Variants in CCAR1 observed in about 807,000 individuals in gnomAD.
The protein encoded by CCAR1 is cell division cycle and apoptosis regulator 1.
CCAR1 carries 78 observed loss-of-function variants against 163.8 expected under a neutral mutation model. The observed-to-expected ratio is 0.48, with a 90% CI of 0.40 to 0.57. The LOEUF (loss-of-function observed/expected upper bound fraction) is 0.57, where lower values mean the gene tolerates loss of function less well. Among genes scored for constraint, CCAR1 ranks in the 20% least tolerant of loss-of-function variants. The pLI is 0.00. For synonymous variants in CCAR1, 443 were observed against 460.7 expected, an observed-to-expected ratio of 0.96 and a Z score of 0.49; for missense variants, 1,019 against 1,365.2, an observed-to-expected ratio of 0.75 and a Z score of 4.00.
At chr10:68,778,741 G>A (rs1030315917) in intron 19 of CCAR1, among the ~76,000 whole-genome samples, 1 of 152,126 alleles carries the variant, frequency 6.6e-6, no homozygotes, top group African/African-American at 2.4e-5. Flanking sequence ...TAGGATTATA[G>A]TTGTTTTTTG....
intron 17 of CCAR1, among the ~76,000 whole-genome samples, chr10:68,766,715 G>A (rs560291954): frequency 4.0e-5 from 6 of 151,530 alleles, no homozygotes; most frequent in African/African-American, 7.3e-5. Context: ...TAGTAGAGAC[G>A]GGGTTTCTCC....
In CCAR1 at chr10:68,761,218, T is replaced by G. The variant is rs569430800; in HGVS notation, c.2106+26T>G. 719 of 1,388,642 alleles carry G rather than the reference T, an allele frequency of 5.2e-4. 6 individuals are homozygous for G. The South Asian group carries it at 9.8e-3, about 19-fold the overall frequency. 86.0% of individuals were successfully genotyped at this position (1,388,642 alleles called of 1,614,324 possible). On this transcript the variant is annotated intron_variant, in intron 16 of 24. Coordinates refer to ENST00000265872, the MANE Select transcript of CCAR1 (RefSeq NM_018237.4). ...GTATGTACTCAATCTATTATTATAC[T>G]CTATGGTATTAATATTCATGTATAG...
At position 68,771,455 on chromosome 10, in the gene CCAR1, A is replaced by G. The variant is rs776490518; in HGVS notation, c.2538+10A>G. 7 of 1,570,468 alleles carry G rather than the reference A, an allele frequency of 4.5e-6. No individual in the cohort carries two copies. In the African/African-American group the frequency reaches 8.3e-5, roughly 19 times the overall value. On this transcript the variant is annotated intron_variant, in intron 18 of 24. Transcript: ENST00000265872. Reference sequence around the variant, plus strand: ...TAGAGATGAAAGGAAGGTCTGTAATAACAACCTGCTTTAGAAGCTTTCAGT... The same window carrying G: ...TAGAGATGAAAGGAAGGTCTGTAATGACAACCTGCTTTAGAAGCTTTCAGT...
At position 68,736,952 on chromosome 10, in the gene CCAR1, A is replaced by C; in HGVS notation, c.150A>C (p.Ala50=). 1.2e-6 allele frequency: 2 copies of C among 1,614,104 alleles called. No individual in the cohort carries two copies. The highest frequency in any genetic ancestry group is 1.7e-6 in the Non-Finnish European group (2 of 1,179,938). ...ATACACAGCAAACTGCATTGGCAGCAGCAGGCCTTACCACACAAACTCCAG... is the reference window on the plus strand; with the variant it reads ...ATACACAGCAAACTGCATTGGCAGCCGCAGGCCTTACCACACAAACTCCAG... ...TIYTQQTALA[A]AGLTTQTPAN... Residue 50 remains alanine (A), a synonymous_variant, in exon 3 of 25, where the codon GCA becomes GCC. Coordinates refer to ENST00000265872, the MANE Select transcript of CCAR1 (RefSeq NM_018237.4).
intron 8 of CCAR1, 97 bp from the exon 9 acceptor site, chr10:68,749,039 C>T (rs1245575343): frequency 1.4e-6 from 2 of 1,425,652 alleles, no homozygotes; most frequent in East Asian, 2.3e-5. Flanking sequence ...ATTTTAGTCA[C>T]TCTCAGTTAT....
intron 6 of CCAR1, among the ~76,000 whole-genome samples, chr10:68,746,708 T>C (rs1166549150): frequency 6.6e-6 from 1 of 151,870 alleles, no homozygotes; most frequent in Non-Finnish European, 1.5e-5. Flanking sequence ...CTCCTGAGTA[T>C]TTGGGATTAC....
intron 6 of CCAR1, among the ~76,000 whole-genome samples, chr10:68,744,230 A>G (rs557560717): frequency 2.0e-5 from 3 of 152,356 alleles, no homozygotes; most frequent in Non-Finnish European, 2.9e-5. Context: ...AGGCGGTTCT[A>G]ACAATATTTC....
chr10:68,755,695 G>A (rs2056390459), intron 13 of CCAR1, among the ~76,000 whole-genome samples, 159 bp downstream of exon 13: 1 of 152,174 alleles, frequency 6.6e-6, no homozygotes, highest in Non-Finnish European at 1.5e-5. Context: ...TTTATTTGGT[G>A]CCAAAATGTT....
intron 19 of CCAR1, among the ~76,000 whole-genome samples, chr10:68,777,690 A>C (rs909175749): frequency 2.0e-5 from 3 of 151,900 alleles, no homozygotes; most frequent in East Asian, 1.9e-4. Context: ...TCTCAAAAAA[A>C]AAAAAAGCCA....
In CCAR1 at chr10:68,786,192, T is replaced by G; in HGVS notation, c.2707T>G (p.Cys903Gly). Residue 903 changes from cysteine to glycine, a missense_variant, in exon 20 of 25, where the codon TGC (cysteine) becomes GGC (glycine). Cys to Gly is a radical substitution (Grantham distance 159, BLOSUM62 -3). Around this residue, in one of 4 missense-constraint regions of CCAR1, gnomAD observed 358 missense variants for 406.4 expected, o/e 0.88. Transcript: ENST00000265872. Reference sequence around the variant, plus strand: ...TGACAAAAGAGATATCAACAGATACTGCAAGGAGAGGCCCTCTAAAGATAA... The same window carrying G: ...TGACAAAAGAGATATCAACAGATACGGCAAGGAGAGGCCCTCTAAAGATAA... ...RDDKRDINRY[C>G]KERPSKDKEK... is the part of the protein sequence containing the mutation. 6.2e-7 allele frequency: 1 copy of G among 1,610,762 alleles called. No homozygotes were observed. Among genetic ancestry groups the G allele is most frequent in the Non-Finnish European group, 8.5e-7 (1 of 1,177,440 alleles).
At chr10:68,752,504 C>G (rs958394292) in intron 10 of CCAR1, among the ~76,000 whole-genome samples, 3 of 152,074 alleles carry the variant, frequency 2.0e-5, no homozygotes, top group Admixed American at 1.3e-4. Context: ...TTTTGTAACA[C>G]TTCCTTAAAA....
rs558548546 is a variant in CCAR1, at chr10:68,740,713, A to G, written c.324+52A>G. On this transcript the variant is annotated intron_variant, in intron 5 of 24. Coordinates refer to ENST00000265872, the MANE Select transcript of CCAR1 (RefSeq NM_018237.4). ...TGGATGTCTGAATGAACAGTAGACTAAAGCTTTATTAGTATTCTACTTTTT... is the reference window on the plus strand; with the variant it reads ...TGGATGTCTGAATGAACAGTAGACTGAAGCTTTATTAGTATTCTACTTTTT... The G allele has an allele frequency of 3.6e-6, 5 of 1,382,894 alleles. No homozygotes were observed. In the African/African-American group the frequency reaches 7.2e-5, roughly 20 times the overall value. The allele number at this position is 1,382,894 out of a possible 1,614,324, so 85.7% of individuals were successfully genotyped here. A position where few individuals can be genotyped will look rare whatever the true frequency, so the allele number is the denominator to read the frequency against.
intron 2 of CCAR1, among the ~76,000 whole-genome samples, chr10:68,727,401 G>A (rs1056973642): frequency 6.6e-6 from 1 of 151,950 alleles, no homozygotes; most frequent in Admixed American, 6.6e-5. Flanking sequence ...GGCCAAGGAC[G>A]GTGAAAAAAA....
intron 4 of CCAR1, 59 bp from the exon 5 acceptor site, chr10:68,740,570 C>T: frequency 7.6e-7 from 1 of 1,315,296 alleles, no homozygotes; most frequent in South Asian, 1.2e-5. Context: ...TATGAAGCAT[C>T]TATGAAGCAA....
At chr10:68,736,511 A>G (rs1042075024) in intron 2 of CCAR1, among the ~76,000 whole-genome samples, 13 of 152,148 alleles carry the variant, frequency 8.5e-5, no homozygotes, top group African/African-American at 2.4e-5. Flanking sequence ...AGCCTCTTGT[A>G]GCCACCATTT....
At chr10:68,751,371 CTTACTCTTATACT>C (rs1241462978) in intron 10 of CCAR1, among the ~76,000 whole-genome samples, 1 of 152,030 alleles carries the variant, frequency 6.6e-6, no homozygotes, top group Admixed American at 6.6e-5. Context: ...CTTATAGCTG[CTTACTCTTATACT>C]TAAAAATCTG....
chr10:68,789,788 A>T lies in CCAR1; in HGVS notation c.3266A>T (p.Asp1089Val), dbSNP rs746942220. The change falls in exon 24 of 25, where the codon GAC (aspartate) becomes GTC (valine). Residue 1089 changes from aspartate to valine, a missense_variant. Asp to Val is a radical substitution (Grantham distance 152). Coordinates refer to ENST00000265872, the MANE Select transcript of CCAR1 (RefSeq NM_018237.4). ...GGTGAACTCAGAGAAGTTAAAAAGG[A>T]CCTTAGTCAGTTACAAGAAAACTTA... The part of the protein sequence containing the change: ...LSGELREVKK[D>V]LSQLQENLKI... 3 of 1,607,780 alleles carry T rather than the reference A, an allele frequency of 1.9e-6. No homozygotes were observed. Among genetic ancestry groups the T allele is most frequent in the Admixed American group, 1.7e-5 (1 of 59,194 alleles).
intron 2 of CCAR1, among the ~76,000 whole-genome samples, chr10:68,725,270 C>T (rs1426784400): frequency 2.0e-5 from 3 of 152,062 alleles, no homozygotes; most frequent in East Asian, 1.9e-4. Flanking sequence ...TCGAGACCAG[C>T]TTGACCAACA....
chr10:68,775,171 T>C, intron 19 of CCAR1: 1 of 202,016 alleles, frequency 5.0e-6, no homozygotes, highest in South Asian at 7.1e-5. Context: ...ATATGAATTC[T>C]TCAGTTTGCC....
Sources: gnomAD v4.1 joint callset for allele counts (sites outside exome capture counted in the v4.1 genomes callset) on GRCh38, gnomAD v4.1.1 for gene constraint, gnomAD v4.1.1 regional missense constraint, MANE v1.5 for transcripts, NCBI Gene and HGNC (gene_info 2026-07-23, HGNC 2026-07-21) for gene names.